Variants in BCAS3 observed in about 807,000 individuals in gnomAD.
BCAS3 encodes the protein BCAS3 microtubule associated cell migration factor.
In BCAS3, 53 loss-of-function variants were observed where a neutral mutation model predicts 116.1. That is an observed-to-expected ratio of 0.46 (90% CI 0.37 to 0.57). BCAS3 has a LOEUF of 0.57. BCAS3 is among the 20% of genes least tolerant of loss of function. BCAS3 has a pLI of 0.00. For missense variants in BCAS3, 917 were observed against 1,165.4 expected (o/e 0.79, Z 3.10); for synonymous variants, 391 against 408.2 (o/e 0.96, Z 0.51).
chr17:60,820,499 G>A (rs749296406), intron 7 of BCAS3, among the ~76,000 whole-genome samples: 12 of 152,184 alleles, frequency 7.9e-5, no homozygotes, highest in Admixed American at 2.6e-4. Context: ...AGAGAATGCA[G>A]TGTGTATTTG....
intron 5 of BCAS3, chr17:60,727,337 C>T: frequency 2.1e-6 from 3 of 1,429,262 alleles, no homozygotes; most frequent in Non-Finnish European, 3.0e-6. Context: ...CCTTCTCTGC[C>T]CACCATAGCC....
chr17:60,833,785 A>G (rs1375799825), intron 7 of BCAS3, among the ~76,000 whole-genome samples: 1 of 152,196 alleles, frequency 6.6e-6, no homozygotes, highest in Non-Finnish European at 1.5e-5. Flanking sequence ...TATAATAGAT[A>G]TATTTTGCAA....
At chr17:60,820,354 G>A (rs946413064) in intron 7 of BCAS3, among the ~76,000 whole-genome samples, 2 of 152,124 alleles carry the variant, frequency 1.3e-5, no homozygotes, top group Non-Finnish European at 2.9e-5. Flanking sequence ...CGACGGTGGG[G>A]CATCTTATTT....
At chr17:60,934,933 C>T (rs561550230) in intron 13 of BCAS3, among the ~76,000 whole-genome samples, 6 of 152,030 alleles carry the variant, frequency 3.9e-5, no homozygotes, top group South Asian at 2.1e-4. Context: ...CCAAGGTGGG[C>T]GAATCACTTG....
intron 14 of BCAS3, among the ~76,000 whole-genome samples, chr17:60,951,418 A>T (rs962084308): frequency 6.6e-6 from 1 of 152,140 alleles, no homozygotes; most frequent in Non-Finnish European, 1.5e-5. Flanking sequence ...AATTTTAGAC[A>T]ATCTTGAACT....
At chr17:60,799,858 C>T (rs1390186390) in intron 6 of BCAS3, among the ~76,000 whole-genome samples, 1 of 151,562 alleles carries the variant, frequency 6.6e-6, no homozygotes, top group African/African-American at 2.4e-5. Context: ...GACACCGTGC[C>T]TGGCTGAGAT....
chr17:60,882,462 A>C (rs1156381881), intron 9 of BCAS3, among the ~76,000 whole-genome samples: 1 of 150,740 alleles, frequency 6.6e-6, no homozygotes, highest in Non-Finnish European at 1.5e-5. Context: ...CCCATTTGTC[A>C]ATTTTGTCTT....
chr17:60,977,044 C>T (rs952899005), intron 14 of BCAS3, among the ~76,000 whole-genome samples: 4 of 152,000 alleles, frequency 2.6e-5, no homozygotes, highest in African/African-American at 4.8e-5. Context: ...ACCTCCCAGA[C>T]GGGGTGGCGG....
intron 19 of BCAS3, among the ~76,000 whole-genome samples, chr17:61,059,444 T>C (rs1011810085): frequency 1.3e-5 from 2 of 152,024 alleles, no homozygotes; most frequent in African/African-American, 4.8e-5. Context: ...TTAGATAATA[T>C]GAGATAATTG....
intron 6 of BCAS3, among the ~76,000 whole-genome samples, chr17:60,757,352 AAATAAATAAAT>A (rs1390460248): frequency 1.3e-5 from 2 of 150,346 alleles, no homozygotes; most frequent in African/African-American, 4.9e-5. Context: ...ATAAATAAAT[AAATAAATAAAT>A]GAGTTTCTCT....
intron 5 of BCAS3, among the ~76,000 whole-genome samples, chr17:60,736,983 A>G (rs2144199436): frequency 7.1e-6 from 1 of 140,968 alleles, no homozygotes; most frequent in South Asian, 2.2e-4. Flanking sequence ...TCTTTTGCTG[A>G]GGCTGGAGTG....
chr17:60,686,177 C>G (rs933618634), intron 3 of BCAS3, among the ~76,000 whole-genome samples: 6 of 152,024 alleles, frequency 3.9e-5, no homozygotes, highest in Non-Finnish European at 5.9e-5. Flanking sequence ...CTATGTTAGA[C>G]ATTTTTTCTA....
intron 6 of BCAS3, among the ~76,000 whole-genome samples, chr17:60,773,800 A>C (rs2144435684): frequency 6.6e-6 from 1 of 152,106 alleles, no homozygotes; most frequent in Non-Finnish European, 1.5e-5. Context: ...GGCGCACGCC[A>C]CCATGCCTGG....
At chr17:60,977,096 G>C (rs1003347989) in intron 14 of BCAS3, among the ~76,000 whole-genome samples, 3 of 152,026 alleles carry the variant, frequency 2.0e-5, no homozygotes, top group Non-Finnish European at 4.4e-5. Context: ...GGGGTGGCTG[G>C]CCGGGCGGGG....
In BCAS3 at chr17:61,151,392, C is replaced by A. The variant is rs1368449049; in HGVS notation, c.2425+66828C>A. 6.9e-6 allele frequency among the ~76,000 whole-genome samples: 1 copy of A among 144,944 alleles called. No individual in the cohort carries two copies. Among genetic ancestry groups the A allele is most frequent in the African/African-American group, 2.5e-5 (1 of 39,646 alleles). ...TACCTCCTCCTCCTGTTTTTTCCTA[C>A]TTTTTTTTTTTTTAACCTGTTAAGG... On this transcript the variant is annotated intron_variant, in intron 22 of 23. Coordinates refer to ENST00000407086, the MANE Select transcript of BCAS3 (RefSeq NM_017679.5). The surrounding 1 kb of genome is among the most constrained non-coding windows in gnomAD (Gnocchi z 4.8).
At chr17:60,824,193 CAG>C in intron 7 of BCAS3, among the ~76,000 whole-genome samples, 1 of 152,166 alleles carries the variant, frequency 6.6e-6, no homozygotes, top group East Asian at 1.9e-4. Context: ...CTTTTAGTGG[CAG>C]AGTTTTCAGG....
chr17:60,972,991 T>G (rs2062059056), intron 14 of BCAS3, among the ~76,000 whole-genome samples: 1 of 152,244 alleles, frequency 6.6e-6, no homozygotes, highest in Non-Finnish European at 1.5e-5. Context: ...TGGGTTTTCT[T>G]TCTTTTCCAG....
intron 12 of BCAS3, among the ~76,000 whole-genome samples, chr17:60,918,794 G>T (rs550814145): frequency 9.3e-5 from 14 of 150,984 alleles, no homozygotes; most frequent in African/African-American, 3.4e-4. Context: ...CCGGGTTTAC[G>T]GTATTCTCCT....
At chr17:60,947,919 A>G (rs562850663) in intron 14 of BCAS3, among the ~76,000 whole-genome samples, 6 of 152,200 alleles carry the variant, frequency 3.9e-5, no homozygotes, top group Admixed American at 2.0e-4. Context: ...ATTTGCAAAC[A>G]CTACAAATCA....
Sources: gnomAD v4.1 joint callset for allele counts (sites outside exome capture counted in the v4.1 genomes callset) on GRCh38, gnomAD v4.1.1 for gene constraint, Gnocchi (gnomAD v3.1) non-coding constraint, MANE v1.5 for transcripts, NCBI Gene and HGNC (gene_info 2026-07-23, HGNC 2026-07-21) for gene names.